PRKN: variants seen among roughly 807,000 people sequenced by gnomAD.
PRKN encodes the protein E3 ubiquitin-protein ligase parkin.
A neutral mutation model predicts 59.5 loss-of-function variants in PRKN; 56 were observed. The ratio of observed to expected loss-of-function variants is 0.94; its 90% confidence interval spans 0.76 to 1.18. The LOEUF is 1.18. PRKN is among the 50% of genes most tolerant of loss of function. The pLI is 0.00. For missense variants in PRKN, 657 were observed against 596.4 expected (o/e 1.10, Z -1.06); for synonymous variants, 250 against 222.1 (o/e 1.13, Z -1.12).
intron 7 of PRKN, among the ~76,000 whole-genome samples, chr6:161,596,791 T>G (rs557352855): frequency 6.6e-6 from 1 of 152,178 alleles, no homozygotes; most frequent in Non-Finnish European, 1.5e-5. Context: ...GCTGACCAAC[T>G]CCTATCTTTG....
rs1491013075 is a variant in PRKN at position 161,552,791 on chromosome 6, TTG to T, written c.934-3790_934-3789del. Reference sequence around the variant, plus strand: ...AGACACCATGGTTTTGTTGTTGTTTTTGTTTTTTGTTTTTTTTTTTTAGACGG... The same window carrying T: ...AGACACCATGGTTTTGTTGTTGTTTTTTTTTTGTTTTTTTTTTTTAGACGG... On this transcript the variant is annotated intron_variant, in intron 8 of 11. Transcript: ENST00000366898. The surrounding 1 kb of genome is among the most constrained non-coding windows in gnomAD (Gnocchi z 4.9). Among the ~76,000 whole-genome samples, 9 of 92,664 alleles carry T rather than the reference TTG, an allele frequency of 9.7e-5. No homozygotes were observed. Among genetic ancestry groups the T allele is most frequent in the Non-Finnish European group, 1.5e-4 (6 of 40,092 alleles). 60.8% of individuals were successfully genotyped at this position (92,664 alleles called of 152,430 possible).
rs1321228052 is a variant in PRKN, at chr6:161,475,007, T to C, written c.1083+73847A>G. 3.4e-5 allele frequency among the ~76,000 whole-genome samples: 5 copies of C among 148,590 alleles called. No individual in the cohort carries two copies. Among genetic ancestry groups the C allele is most frequent in the South Asian group, 2.2e-4 (1 of 4,616 alleles). The stretch of plus-strand genomic sequence containing the variant: ...GCAACCTCCGCCTCCTGGGTTCAAG[T>C]GATTCTCCTGCCTCAGCCTCCCAAG... On this transcript the variant is annotated intron_variant, in intron 9 of 11. Transcript: ENST00000366898. This position sits in a 1 kb window ranked among gnomAD's most constrained non-coding sequence, Gnocchi z 5.3.
chr6:162,391,760 C>T (rs188930647), intron 2 of PRKN, among the ~76,000 whole-genome samples: 1 of 152,328 alleles, frequency 6.6e-6, no homozygotes, highest in African/African-American at 2.4e-5. Flanking sequence ...TTTCACACAG[C>T]CCTCCTGGCA....
At chr6:162,220,534 G>A (rs1389303862) in intron 3 of PRKN, among the ~76,000 whole-genome samples, 3 of 152,086 alleles carry the variant, frequency 2.0e-5, no homozygotes, top group African/African-American at 7.2e-5. Context: ...CAAAGCAGAG[G>A]GCAGCAAACC....
chr6:162,356,698 C>T (rs773313628), intron 2 of PRKN, among the ~76,000 whole-genome samples: 136 of 147,160 alleles, frequency 9.2e-4, no homozygotes, highest in East Asian at 2.6e-3. Context: ...TGGTACCACC[C>T]GACTTTAATG....
intron 1 of PRKN, among the ~76,000 whole-genome samples, chr6:162,552,370 C>T (rs957302045): frequency 2.6e-5 from 4 of 151,842 alleles, no homozygotes; most frequent in Admixed American, 6.6e-5. Context: ...GAGCGGGTGG[C>T]GAGAGACAAA....
chr6:162,141,722 T>C (rs1178624349), intron 4 of PRKN, among the ~76,000 whole-genome samples: 1 of 152,132 alleles, frequency 6.6e-6, no homozygotes, highest in Non-Finnish European at 1.5e-5. Context: ...TTTGCATAAG[T>C]GGTATATACT....
intron 3 of PRKN, among the ~76,000 whole-genome samples, chr6:162,223,713 C>T (rs1778040887): frequency 6.6e-6 from 1 of 151,340 alleles, no homozygotes; most frequent in Non-Finnish European, 1.5e-5. Flanking sequence ...ATACACTACA[C>T]ATTTTCCTAC....
chr6:162,153,051 G>A (rs1017715897), intron 4 of PRKN, among the ~76,000 whole-genome samples: 7 of 152,194 alleles, frequency 4.6e-5, no homozygotes, highest in Admixed American at 2.6e-4. Context: ...TGAATTACCA[G>A]GGCTTTTAAA....
intron 1 of PRKN, among the ~76,000 whole-genome samples, chr6:162,676,026 G>A (rs1379124354): frequency 6.6e-6 from 1 of 152,140 alleles, no homozygotes; most frequent in Non-Finnish European, 1.5e-5. Flanking sequence ...TAATCTTTTA[G>A]AGAAGCAACA....
intron 7 of PRKN, among the ~76,000 whole-genome samples, chr6:161,783,122 G>A (rs1480482643): frequency 2.6e-5 from 4 of 152,018 alleles, no homozygotes; most frequent in African/African-American, 9.7e-5. Context: ...CCAAAGTAAG[G>A]CAAATGAGTA....
chr6:162,624,863 CA>C (rs1782821664), intron 1 of PRKN, among the ~76,000 whole-genome samples: 1 of 152,146 alleles, frequency 6.6e-6, no homozygotes, highest in East Asian at 1.9e-4. Context: ...GATGTGGTAA[CA>C]AGAGGACATC....
intron 5 of PRKN, among the ~76,000 whole-genome samples, chr6:161,986,727 C>G (rs1781450289): frequency 6.6e-6 from 1 of 151,748 alleles, no homozygotes; most frequent in Non-Finnish European, 1.5e-5. Context: ...GCTGTTGAAT[C>G]CATTGTGCTG....
chr6:162,559,024 G>T (rs1779727510), intron 1 of PRKN, among the ~76,000 whole-genome samples: 1 of 152,024 alleles, frequency 6.6e-6, no homozygotes, highest in African/African-American at 2.4e-5. Flanking sequence ...GGTGCCAGGT[G>T]CCTGTAGTCC....
chr6:162,524,007 G>T (rs1347573755), intron 1 of PRKN, among the ~76,000 whole-genome samples: 2 of 152,024 alleles, frequency 1.3e-5, no homozygotes, highest in Non-Finnish European at 1.5e-5. Context: ...CCTTGGAGAA[G>T]TTACTTAACC....
rs66831164 is a variant in PRKN, at chr6:161,504,527, C to CTTTTTT, written c.1083+44321_1083+44326dup. On this transcript the variant is annotated intron_variant, in intron 9 of 11. Coordinates refer to ENST00000366898, the MANE Select transcript of PRKN (RefSeq NM_004562.3). ...AACAGACCAAACACTGTGAAACTTTCTTTTTTATTATTATACTTTAAGTTT... is the reference window on the plus strand; with the variant it reads ...AACAGACCAAACACTGTGAAACTTTCTTTTTTTTTTTTATTATTATACTTTAAGTTT... Among the ~76,000 whole-genome samples, 989 of 149,314 alleles carry CTTTTTT rather than the reference C, an allele frequency of 6.6e-3. 11 individuals are homozygous for CTTTTTT. Among genetic ancestry groups the CTTTTTT allele is most frequent in the African/African-American group, 0.023 (931 of 39,912 alleles).
intron 5 of PRKN, among the ~76,000 whole-genome samples, chr6:161,992,166 C>T (rs1478259799): frequency 6.6e-6 from 1 of 152,000 alleles, no homozygotes; most frequent in Non-Finnish European, 1.5e-5. Context: ...TGGTGAAACC[C>T]CATCTCTACT....
At chr6:162,132,792 C>G (rs550386646) in intron 4 of PRKN, among the ~76,000 whole-genome samples, 1 of 152,124 alleles carries the variant, frequency 6.6e-6, no homozygotes, top group African/African-American at 2.4e-5. Flanking sequence ...AAAAATCAAG[C>G]AGAGCGGTGG....
Position 161,728,669 on chromosome 6 carries a change from C to A in PRKN, c.871+57103G>T, listed in dbSNP as rs143315076. Among the ~76,000 whole-genome samples the A allele has an allele frequency of 4.5e-4, 69 of 152,222 alleles. 1 individual carries two copies. In the East Asian group the frequency reaches 0.013, roughly 28 times the overall value. ...TTTATTTATCTTCTGATGGAATATT[C>A]TTTTTGGGCTTTTGAACCCAGCAAT... On this transcript the variant is annotated intron_variant, in intron 7 of 11. Coordinates refer to ENST00000366898, the MANE Select transcript of PRKN (RefSeq NM_004562.3).
Sources: allele counts gnomAD v4.1 joint callset (sites outside exome capture counted in the v4.1 genomes callset), GRCh38; gene constraint gnomAD v4.1.1; non-coding constraint Gnocchi (gnomAD v3.1); transcripts MANE v1.5; gene names NCBI Gene and HGNC (gene_info 2026-07-23, HGNC 2026-07-21).